Variants in GNG12 observed in about 807,000 individuals in gnomAD.
The protein encoded by GNG12 is guanine nucleotide-binding protein G(I)/G(S)/G(O) subunit gamma-12.
For missense variants in GNG12, 69 were observed against 83.8 expected (o/e 0.82, Z 0.69); for synonymous variants, 28 against 29.7 (o/e 0.94, Z 0.19).
intron 1 of GNG12, among the ~76,000 whole-genome samples, chr1:67,832,943 C>G (rs932961353): frequency 1.3e-5 from 2 of 152,190 alleles, no homozygotes; most frequent in Non-Finnish European, 2.9e-5. Flanking sequence ...CGGCGCGGGG[C>G]GCACGGCCGC....
At chr1:67,729,071 T>C (rs1298538583) in intron 2 of GNG12, among the ~76,000 whole-genome samples, 1 of 152,256 alleles carries the variant, frequency 6.6e-6, no homozygotes, top group Admixed American at 6.5e-5. Context: ...TTTCAGATCC[T>C]GGCCCTCCCT....
rs1318395641 is a variant in GNG12, at chr1:67,786,933, ATATGTGTG to A, written c.-76-9434_-76-9427del. 5.6e-4 allele frequency among the ~76,000 whole-genome samples: 29 copies of A among 52,120 alleles called. 1 individual carries two copies. Among genetic ancestry groups the A allele is most frequent in the African/African-American group, 1.7e-3 (28 of 16,368 alleles). 34.2% of individuals were successfully genotyped at this position (52,120 alleles called of 152,430 possible). ...GCCTAGGTAACAGAGACTTATATAT[ATATGTGTG>A]TGTGTGTGTGTGTGTGTGTGTGTGT... On this transcript the variant is annotated intron_variant, in intron 1 of 3. Transcript: ENST00000370982.
intron 2 of GNG12, among the ~76,000 whole-genome samples, chr1:67,776,615 C>CAG (rs1251732556): frequency 6.6e-6 from 1 of 152,108 alleles, no homozygotes; most frequent in Non-Finnish European, 1.5e-5. Context: ...ATTATCTCTC[C>CAG]ACCTGACAGC....
chr1:67,744,697 C>A (rs1033183834), intron 2 of GNG12, among the ~76,000 whole-genome samples: 1 of 152,174 alleles, frequency 6.6e-6, no homozygotes, highest in African/African-American at 2.4e-5. Context: ...TATCTCATTT[C>A]ATCCTCACTA....
At chr1:67,824,691 G>A (rs995027286) in intron 1 of GNG12, among the ~76,000 whole-genome samples, 2 of 152,134 alleles carry the variant, frequency 1.3e-5, no homozygotes, top group African/African-American at 4.8e-5. Context: ...GTGAAGAACA[G>A]GACAAGATTG....
At position 67,732,120 on chromosome 1, in the gene GNG12, T is replaced by C. The variant is rs185482609; in HGVS notation, c.-26-24408A>G. Among the ~76,000 whole-genome samples the C allele has an allele frequency of 1.2e-3, 184 of 152,350 alleles. 1 individual carries two copies. The highest frequency in any genetic ancestry group is 4.2e-3 in the African/African-American group (175 of 41,592). ...TATTCCGTTCAGCCTTTAGATTCTA[T>C]GTCTATGCCTAAGTGTTCACTATTC... On this transcript the variant is annotated intron_variant, in intron 2 of 3. Coordinates refer to ENST00000370982, the MANE Select transcript of GNG12 (RefSeq NM_018841.6).
At chr1:67,761,778 C>CGCTT (rs764776002) in intron 2 of GNG12, among the ~76,000 whole-genome samples, 115 of 152,236 alleles carry the variant, frequency 7.6e-4, no homozygotes, top group Non-Finnish European at 4.0e-4. Flanking sequence ...GCACACCATC[C>CGCTT]GCTTTCTGTC....
At chr1:67,715,525 C>A (rs1034923198) in intron 2 of GNG12, among the ~76,000 whole-genome samples, 1 of 152,122 alleles carries the variant, frequency 6.6e-6, no homozygotes, top group African/African-American at 2.4e-5. Flanking sequence ...GGGTGGTGGG[C>A]AAGCTGCTCT....
intron 2 of GNG12, among the ~76,000 whole-genome samples, chr1:67,745,047 A>G (rs1646500838): frequency 6.6e-6 from 1 of 152,128 alleles, no homozygotes; most frequent in Admixed American, 6.6e-5. Context: ...ATCCTATTGG[A>G]TTGTATTGAG....
At chr1:67,821,471 C>T (rs1175590095) in intron 1 of GNG12, among the ~76,000 whole-genome samples, 1 of 152,182 alleles carries the variant, frequency 6.6e-6, no homozygotes, top group Non-Finnish European at 1.5e-5. Context: ...TAAGAGGCAG[C>T]AAAGAGCCGG....
At chr1:67,764,996 G>A (rs1230937740) in intron 2 of GNG12, among the ~76,000 whole-genome samples, 2 of 152,060 alleles carry the variant, frequency 1.3e-5, no homozygotes, top group Non-Finnish European at 2.9e-5. Context: ...GGGTCAAAAA[G>A]CAACAGATTA....
rs141296318 is a variant in GNG12 at position 67,821,106 on chromosome 1, T to C, written c.-77+12238A>G. ...GTTCACATTTTAAGATCCCTGATAA[T>C]TGGAATGATTCTTCATGGTAGGCAG... On this transcript the variant is annotated intron_variant, in intron 1 of 3. Transcript: ENST00000370982. Among the ~76,000 whole-genome samples the C allele has an allele frequency of 3.0e-3, 458 of 152,320 alleles. 2 individuals are homozygous for C. Among genetic ancestry groups the C allele is most frequent in the African/African-American group, 7.6e-3 (314 of 41,586 alleles).
intron 2 of GNG12, among the ~76,000 whole-genome samples, chr1:67,736,274 G>A (rs1176340267): frequency 1.3e-5 from 2 of 152,066 alleles, no homozygotes; most frequent in East Asian, 3.9e-4. Flanking sequence ...GCGTGAGAGT[G>A]TACAACAACC....
chr1:67,713,226 C>G (rs561641383), intron 2 of GNG12, among the ~76,000 whole-genome samples: 1 of 152,226 alleles, frequency 6.6e-6, no homozygotes, highest in Non-Finnish European at 1.5e-5. Context: ...CCAGAAGGGC[C>G]AAGGCCTGTG....
intron 2 of GNG12, among the ~76,000 whole-genome samples, chr1:67,749,755 C>A (rs1459516916): frequency 6.6e-6 from 1 of 152,156 alleles, no homozygotes; most frequent in African/African-American, 2.4e-5. Flanking sequence ...GTGGGATGCA[C>A]CACAGCCCCA....
At chr1:67,792,260 G>C (rs1469476028) in intron 1 of GNG12, among the ~76,000 whole-genome samples, 1 of 152,164 alleles carries the variant, frequency 6.6e-6, no homozygotes, top group Non-Finnish European at 1.5e-5. Context: ...CAGTGCCTGA[G>C]GCAATGCCTG....
chr1:67,741,766 A>G (rs1295623316), intron 2 of GNG12, among the ~76,000 whole-genome samples: 2 of 152,240 alleles, frequency 1.3e-5, no homozygotes, highest in Non-Finnish European at 2.9e-5. Flanking sequence ...TTTGGCTTGC[A>G]GACCTGTTTT....
At chr1:67,743,805 C>T (rs1646495091) in intron 2 of GNG12, among the ~76,000 whole-genome samples, 1 of 152,212 alleles carries the variant, frequency 6.6e-6, no homozygotes, top group Non-Finnish European at 1.5e-5. Flanking sequence ...AGTTATGAGG[C>T]AGACCAGTCA....
chr1:67,772,623 C>T (rs1008269022), intron 2 of GNG12: 1 of 152,126 alleles, frequency 6.6e-6, no homozygotes, highest in African/African-American at 2.4e-5. Context: ...AGGAAACCTG[C>T]TAGACAAATT....
Sources: allele counts gnomAD v4.1 joint callset (sites outside exome capture counted in the v4.1 genomes callset), GRCh38; gene constraint gnomAD v4.1.1; transcripts MANE v1.5; gene names NCBI Gene and HGNC (gene_info 2026-07-23, HGNC 2026-07-21).